GAD2: variants seen among roughly 807,000 people sequenced by gnomAD.
GAD2 encodes the protein glutamate decarboxylase 2.
Under a neutral mutation model 80.1 loss-of-function variants are expected in GAD2, and 22 were observed. The ratio of observed to expected loss-of-function variants is 0.27; its 90% CI spans 0.20 to 0.39. The LOEUF (loss-of-function observed/expected upper bound fraction) is 0.39, where lower values mean the gene tolerates loss of function less well. Among genes scored for constraint, GAD2 ranks in the 10% least tolerant of loss-of-function variants. The pLI is 1.00. For missense variants in GAD2, 624 were observed against 738.4 expected, an observed-to-expected ratio of 0.85 and a Z score of 1.80; for synonymous variants, 274 against 256.9, an observed-to-expected ratio of 1.07 and a Z score of -0.64.
chr10:26,221,619 C>T (rs1395060330), intron 4 of GAD2, among the ~76,000 whole-genome samples: 6 of 152,132 alleles, frequency 3.9e-5, no homozygotes, highest in African/African-American at 1.2e-4. Flanking sequence ...CAGTTTGGAC[C>T]GACTTTTGGC....
At chr10:26,273,076 A>G (rs1463982510) in intron 10 of GAD2, among the ~76,000 whole-genome samples, 3 of 151,958 alleles carry the variant, frequency 2.0e-5, no homozygotes, top group Non-Finnish European at 4.4e-5. Flanking sequence ...TTCAACCTTG[A>G]TCAAGTACAA....
At position 26,216,800 on chromosome 10, in the gene GAD2, T is replaced by A; in HGVS notation, c.-10T>A. The stretch of plus-strand genomic sequence containing the variant: ...CACTCGCAGGCGACCTGCTCCAGTC[T>A]CCAAAGCCGATGGCATCTCCGGGCT... On this transcript the variant is annotated 5_prime_UTR_variant, in exon 1 of 16. Transcript: ENST00000376261. This position sits in a 1 kb window ranked among gnomAD's most constrained non-coding sequence, Gnocchi z 4.7. 1 of 1,611,034 alleles carries A rather than the reference T, an allele frequency of 6.2e-7. No individual in the cohort carries two copies. Among genetic ancestry groups the A allele is most frequent in the Non-Finnish European group, 8.5e-7 (1 of 1,178,780 alleles).
intron 7 of GAD2, among the ~76,000 whole-genome samples, chr10:26,238,902 G>A (rs554279434): frequency 1.2e-4 from 19 of 152,160 alleles, no homozygotes; most frequent in African/African-American, 3.1e-4. Context: ...AGGAGCAAGC[G>A]AATGGAGGTG....
chr10:26,263,731 A>G (rs1030631342), intron 8 of GAD2, among the ~76,000 whole-genome samples: 1 of 152,186 alleles, frequency 6.6e-6, no homozygotes, highest in African/African-American at 2.4e-5. Context: ...TTTTACTGCT[A>G]TTGCGTTTGA....
intron 8 of GAD2, among the ~76,000 whole-genome samples, chr10:26,268,417 A>G (rs927004098): frequency 2.7e-4 from 41 of 151,436 alleles, no homozygotes; most frequent in African/African-American, 8.8e-4. Flanking sequence ...GCAGTGAGCC[A>G]AGATTGTGCC....
At chr10:26,265,877 C>G (rs1189290611) in intron 8 of GAD2, among the ~76,000 whole-genome samples, 1 of 152,192 alleles carries the variant, frequency 6.6e-6, no homozygotes. Context: ...GTCTCTGTCC[C>G]CGCAACATAT....
rs1189298122 is a variant in GAD2, at chr10:26,301,536, C to G, written c.*575C>G. Reference sequence around the variant, plus strand: ...TTTTATTTTATATAGGTTATACAAACTGCGGGGGCAGATATAAAATCTAAG... The same window carrying G: ...TTTTATTTTATATAGGTTATACAAAGTGCGGGGGCAGATATAAAATCTAAG... On this transcript the variant is annotated 3_prime_UTR_variant, in exon 16 of 16. Transcript: ENST00000376261. 1.3e-5 allele frequency: 2 copies of G among 151,986 alleles called. No homozygotes were observed. Among genetic ancestry groups the G allele is most frequent in the Non-Finnish European group, 2.9e-5 (2 of 67,986 alleles). The allele number at this position is 151,986 out of a possible 1,614,324, so 9.4% of individuals were successfully genotyped here. A position where few individuals can be genotyped will look rare whatever the true frequency, so the allele number is the denominator to read the frequency against.
intron 11 of GAD2, among the ~76,000 whole-genome samples, chr10:26,273,957 T>C (rs572452675): frequency 3.3e-5 from 5 of 152,298 alleles, no homozygotes; most frequent in Admixed American, 2.6e-4. Flanking sequence ...CTTTCAGACA[T>C]AGAGATTCCT....
chr10:26,290,011 T>C (rs1834195908), intron 13 of GAD2, among the ~76,000 whole-genome samples: 1 of 152,102 alleles, frequency 6.6e-6, no homozygotes, highest in East Asian at 1.9e-4. Context: ...GTTTTCCTTG[T>C]GGTTTTTTTA....
Position 26,291,770 on chromosome 10 carries a change from G to A in GAD2, c.1387-695G>A, listed in dbSNP as rs1220790399. On this transcript the variant is annotated intron_variant, in intron 13 of 15. Coordinates refer to ENST00000376261, the MANE Select transcript of GAD2 (RefSeq NM_001134366.2). ...TGTGTGTCCCGATGTCAGTTAAACA[G>A]CTCCAGTCCAAGACTGTTGTGTTGG... 3.3e-5 allele frequency among the ~76,000 whole-genome samples: 5 copies of A among 152,206 alleles called. No individual in the cohort carries two copies. In the East Asian group the frequency reaches 9.6e-4, roughly 29 times the overall value.
At chr10:26,286,174 A>G (rs1477889952) in intron 12 of GAD2, among the ~76,000 whole-genome samples, 171 bp from the exon 13 acceptor site, 1 of 152,200 alleles carries the variant, frequency 6.6e-6, no homozygotes, top group Non-Finnish European at 1.5e-5. Context: ...ACAACAACCT[A>G]GACACTCCTG....
intron 13 of GAD2, among the ~76,000 whole-genome samples, chr10:26,286,865 A>G (rs554495866): frequency 6.6e-6 from 1 of 152,354 alleles, no homozygotes; most frequent in African/African-American, 2.4e-5. Context: ...CTGAAAGTAT[A>G]GGTCTGGAGA....
chr10:26,300,687 C>T (rs1834319717), intron 15 of GAD2, 101 bp from the exon 16 acceptor site: 1 of 1,026,704 alleles, frequency 9.7e-7, no homozygotes. Context: ...AAGGTTCTGA[C>T]TGTTGAGCTA....
intron 5 of GAD2, 77 bp from the exon 6 acceptor site, chr10:26,224,462 G>GTTC: frequency 1.1e-6 from 1 of 878,392 alleles, no homozygotes; most frequent in Non-Finnish European, 1.9e-6. Flanking sequence ...AAAGGAAATA[G>GTTC]TTCTGTAGCT....
intron 4 of GAD2, among the ~76,000 whole-genome samples, chr10:26,222,544 C>CA (rs1013878680): frequency 1.3e-5 from 2 of 151,982 alleles, no homozygotes; most frequent in Non-Finnish European, 2.9e-5. Flanking sequence ...GCCACAGCAG[C>CA]AAAAAAGCCT....
In GAD2 at chr10:26,286,366, C is replaced by A. The variant is rs778287000; in HGVS notation, c.1258C>A (p.Gln420Lys). 6.2e-7 allele frequency: 1 copy of A among 1,613,476 alleles called. No individual in the cohort carries two copies. The highest frequency in any genetic ancestry group is 1.7e-5 in the Admixed American group (1 of 59,880). ...REEGLMQNCNQMHASYLFQQD... is the reference protein window; with the variant it reads ...REEGLMQNCNKMHASYLFQQD... ...GTAGGGATTGATGCAGAATTGCAACCAAATGCATGCCTCCTACCTCTTTCA... is the reference window on the plus strand; with the variant it reads ...GTAGGGATTGATGCAGAATTGCAACAAAATGCATGCCTCCTACCTCTTTCA... Residue 420 changes from glutamine (Q) to lysine (K), a missense_variant, in exon 13 of 16, where the codon CAA becomes AAA. By Grantham distance (53) the Gln-to-Lys change is moderately conservative. Transcript: ENST00000376261.
intron 13 of GAD2, among the ~76,000 whole-genome samples, chr10:26,289,397 C>T (rs565837749): frequency 6.6e-6 from 1 of 152,152 alleles, no homozygotes; most frequent in South Asian, 2.1e-4. Flanking sequence ...ACATTTTCTC[C>T]TAAGATAAAC....
intron 4 of GAD2, among the ~76,000 whole-genome samples, chr10:26,219,619 T>C (rs1342767804): frequency 6.6e-6 from 1 of 152,118 alleles, no homozygotes; most frequent in African/African-American, 2.4e-5. Context: ...AGAAAGAGAA[T>C]ATGGAAATAA....
At chr10:26,237,343 G>A (rs1015776505) in intron 7 of GAD2, among the ~76,000 whole-genome samples, 18 of 152,290 alleles carry the variant, frequency 1.2e-4, no homozygotes, top group African/African-American at 4.1e-4. Context: ...GCCCTGCTCT[G>A]CCACCTCCCA....
Sources: gnomAD v4.1 joint callset for allele counts (sites outside exome capture counted in the v4.1 genomes callset) on GRCh38, gnomAD v4.1.1 for gene constraint, Gnocchi (gnomAD v3.1) non-coding constraint, MANE v1.5 for transcripts, NCBI Gene and HGNC (gene_info 2026-07-23, HGNC 2026-07-21) for gene names.